Variants in GPC5 observed in about 807,000 individuals in gnomAD.
GPC5 encodes glypican 5.
In GPC5, 47 loss-of-function variants were observed where a neutral mutation model predicts 53.9. The ratio of observed to expected loss-of-function variants is 0.87; its 90% CI spans 0.69 to 1.11. The LOEUF is 1.11. Among genes scored for constraint, GPC5 ranks in the 50% most tolerant of loss-of-function variants. The pLI, the probability that GPC5 is intolerant of heterozygous loss-of-function variation, is 0.00. For missense variants in GPC5, 748 were observed against 713.1 expected (o/e 1.05, Z -0.56); for synonymous variants, 286 against 263.3 (o/e 1.09, Z -0.84).
chr13:92,039,958 T>C (rs1807037915), intron 6 of GPC5, among the ~76,000 whole-genome samples: 1 of 152,154 alleles, frequency 6.6e-6, no homozygotes, highest in African/African-American at 2.4e-5. Flanking sequence ...GTTCAGCCTG[T>C]AATATCGTTT....
At chr13:92,361,359 G>T (rs139172978) in intron 7 of GPC5, among the ~76,000 whole-genome samples, 1 of 151,520 alleles carries the variant, frequency 6.6e-6, no homozygotes, top group Admixed American at 6.6e-5. Context: ...ACCTGGACCC[G>T]GTCATTTAGC....
chr13:91,530,926 T>C (rs967579872), intron 2 of GPC5, among the ~76,000 whole-genome samples: 2 of 152,210 alleles, frequency 1.3e-5, no homozygotes, highest in South Asian at 2.1e-4. Flanking sequence ...GGTTGAACAA[T>C]AGTTCTTTGG....
intron 5 of GPC5, among the ~76,000 whole-genome samples, chr13:91,888,964 G>T (rs1324277462): frequency 6.6e-6 from 1 of 152,160 alleles, no homozygotes; most frequent in African/African-American, 2.4e-5. Flanking sequence ...TGTCAGAAAG[G>T]TCATGTGGCT....
chr13:91,784,805 T>C (rs745559905), intron 5 of GPC5, among the ~76,000 whole-genome samples: 2 of 152,060 alleles, frequency 1.3e-5, no homozygotes, highest in Non-Finnish European at 2.9e-5. Context: ...CCATATGTGA[T>C]TTTTAGTTTA....
chr13:91,468,235 A>C (rs1882372276), intron 2 of GPC5, among the ~76,000 whole-genome samples: 1 of 152,090 alleles, frequency 6.6e-6, no homozygotes, highest in African/African-American at 2.4e-5. Flanking sequence ...CGGAACATAG[A>C]TGTTCTCCCT....
At chr13:92,783,086 T>C (rs1404374594) in intron 7 of GPC5, among the ~76,000 whole-genome samples, 1 of 152,240 alleles carries the variant, frequency 6.6e-6, no homozygotes, top group Non-Finnish European at 1.5e-5. Context: ...TTCTATTGTT[T>C]ATACAATCTC....
At chr13:92,554,711 A>G (rs549480067) in intron 7 of GPC5, among the ~76,000 whole-genome samples, 3 of 151,234 alleles carry the variant, frequency 2.0e-5, no homozygotes, top group African/African-American at 7.2e-5. Flanking sequence ...AACAAAATAT[A>G]TGAAACATTA....
chr13:91,572,102 T>C (rs2031907878), intron 2 of GPC5, among the ~76,000 whole-genome samples: 1 of 130,318 alleles, frequency 7.7e-6, no homozygotes, highest in Non-Finnish European at 1.8e-5. Context: ...TGTGTGTGTA[T>C]ATACACACAT....
At chr13:92,617,391 C>T (rs1318151095) in intron 7 of GPC5, among the ~76,000 whole-genome samples, 1 of 152,142 alleles carries the variant, frequency 6.6e-6, no homozygotes, top group Admixed American at 6.6e-5. Context: ...TCAAAACACC[C>T]ACATTTTACT....
At position 92,237,116 on chromosome 13, in the gene GPC5, T is replaced by A. The variant is rs180743952; in HGVS notation, c.1561+92127T>A. Among the ~76,000 whole-genome samples, 214 of 152,324 alleles carry A rather than the reference T, an allele frequency of 1.4e-3. 1 individual carries two copies. Among genetic ancestry groups the A allele is most frequent in the Non-Finnish European group, 2.4e-3 (163 of 68,036 alleles). Reference sequence around the variant, plus strand: ...TCATGTTCTGAAAACTCTCTTGAGCTTTTGCATGAGCTCAGATGTCATTGC... The same window carrying A: ...TCATGTTCTGAAAACTCTCTTGAGCATTTGCATGAGCTCAGATGTCATTGC... On this transcript the variant is annotated intron_variant, in intron 7 of 7. Transcript: ENST00000377067.
intron 6 of GPC5, among the ~76,000 whole-genome samples, chr13:92,111,868 T>A (rs1220823699): frequency 6.6e-6 from 1 of 152,320 alleles, no homozygotes. Context: ...AAGGGAAAAC[T>A]ATTTTGAAGG....
intron 7 of GPC5, among the ~76,000 whole-genome samples, chr13:92,479,031 C>T (rs1485178930): frequency 1.3e-5 from 2 of 152,102 alleles, no homozygotes; most frequent in Non-Finnish European, 2.9e-5. Context: ...CGTCATTAGG[C>T]AATATGTACC....
intron 7 of GPC5, 95 bp downstream of exon 7, chr13:92,145,084 A>G (rs1186551722): frequency 9.2e-7 from 1 of 1,087,428 alleles, no homozygotes; most frequent in African/African-American, 1.6e-5. Context: ...ATGACAATTC[A>G]AAAACAAGCA....
intron 7 of GPC5, among the ~76,000 whole-genome samples, chr13:92,784,839 G>A (rs1279552239): frequency 6.6e-6 from 1 of 152,108 alleles, no homozygotes; most frequent in Non-Finnish European, 1.5e-5. Flanking sequence ...TATTCTTGTA[G>A]ACAGCAAGCC....
At chr13:92,161,956 CATATATATAT>C (rs55867004) in intron 7 of GPC5, among the ~76,000 whole-genome samples, 5,759 of 95,958 alleles carry the variant, frequency 0.06, 203 homozygotes, top group African/African-American at 0.11. Context: ...AATATATAGC[CATATATATAT>C]ATATATATAT....
intron 7 of GPC5, among the ~76,000 whole-genome samples, chr13:92,493,692 A>T (rs575084954): frequency 6.6e-6 from 1 of 152,166 alleles, no homozygotes; most frequent in East Asian, 1.9e-4. Flanking sequence ...TTCTTTTTCA[A>T]TGAGACACCA....
chr13:91,869,633 T>C (rs965781117), intron 5 of GPC5, among the ~76,000 whole-genome samples: 1 of 152,182 alleles, frequency 6.6e-6, no homozygotes, highest in African/African-American at 2.4e-5. Flanking sequence ...TCCAAGTGCT[T>C]ATTTGATTTC....
At chr13:92,047,806 T>TAAAAAAAAA (rs35020183) in intron 6 of GPC5, among the ~76,000 whole-genome samples, 2 of 98,806 alleles carry the variant, frequency 2.0e-5, no homozygotes, top group Non-Finnish European at 3.8e-5. Context: ...CTGTCTCTAC[T>TAAAAAAAAA]AAAAAAAAAA....
Position 91,728,514 on chromosome 13 carries a change from A to G in GPC5, c.1021-18A>G. 1 of 1,603,278 alleles carries G rather than the reference A, an allele frequency of 6.2e-7. No homozygotes were observed. The highest frequency in any genetic ancestry group is 8.5e-7 in the Non-Finnish European group (1 of 1,174,868). On this transcript the variant is annotated intron_variant, in intron 3 of 7. Transcript: ENST00000377067. Reference sequence around the variant, plus strand: ...GAGTACGATTTCTAACTACCTTTTAATGTTTTCTATTTAAAAGGTAAATAG... The same window carrying G: ...GAGTACGATTTCTAACTACCTTTTAGTGTTTTCTATTTAAAAGGTAAATAG...
Sources: gnomAD v4.1 joint callset for allele counts (sites outside exome capture counted in the v4.1 genomes callset) on GRCh38, gnomAD v4.1.1 for gene constraint, MANE v1.5 for transcripts, NCBI Gene and HGNC (gene_info 2026-07-23, HGNC 2026-07-21) for gene names.